TGM6: variants seen among roughly 807,000 people sequenced by gnomAD.
TGM6 encodes the protein transglutaminase 6.
A neutral mutation model predicts 77.5 loss-of-function variants in TGM6; 74 were observed. The observed-to-expected ratio is 0.96, with a 90% confidence interval of 0.79 to 1.16. The LOEUF (loss-of-function observed/expected upper bound fraction) is 1.16. Ranked by LOEUF, TGM6 falls within the 50% of genes most tolerant of loss-of-function variation. TGM6 has a pLI of 0.00. For missense variants in TGM6, 968 were observed against 940.2 expected (o/e 1.03, Z -0.39); for synonymous variants, 383 against 378.9 (o/e 1.01, Z -0.12).
Position 2,398,090 on chromosome 20 carries a change from C to T in TGM6, c.672+44C>T, listed in dbSNP as rs766658887. 39 of 1,613,912 alleles carry T rather than the reference C, an allele frequency of 2.4e-5. No individual in the cohort carries two copies. The South Asian group carries it at 3.4e-4, about 14-fold the overall frequency. On this transcript the variant is annotated intron_variant, in intron 5 of 12. Coordinates refer to ENST00000202625, the MANE Select transcript of TGM6 (RefSeq NM_198994.3). ...CCTGCACATGTACTTCCTCAAGGAT[C>T]CCCCAGCCAACCCCGGGGCCACAAC...
intron 5 of TGM6, 145 bp from the exon 6 acceptor site, chr20:2,399,416 A>T (rs2084689737): frequency 2.0e-6 from 2 of 1,020,192 alleles, no homozygotes; most frequent in African/African-American, 3.1e-5. Context: ...TTAAGGCAAC[A>T]GATGCCCCTA....
intron 1 of TGM6, among the ~76,000 whole-genome samples, chr20:2,390,615 C>T (rs1462795741): frequency 1.3e-5 from 2 of 152,106 alleles, no homozygotes; most frequent in South Asian, 4.2e-4. Flanking sequence ...TGCCCTTATG[C>T]AGTTGATATT....
rs148415882 is a variant in TGM6 at position 2,397,849 on chromosome 20, G to A, written c.544-69G>A. On this transcript the variant is annotated intron_variant, in intron 4 of 12. Transcript: ENST00000202625. ...ACAGATGGGGTGACTGACCGGGTGA[G>A]GGCTGTGGGAGGGCCTGGAATATGG... 264 of 1,613,438 alleles carry A rather than the reference G, an allele frequency of 1.6e-4. No individual in the cohort carries two copies. In the African/African-American group the frequency reaches 2.3e-3, roughly 14 times the overall value.
chr20:2,399,645 G>A lies in TGM6; in HGVS notation c.757G>A (p.Gly253Ser), dbSNP rs566515306. Residue 253 changes from glycine to serine, a missense_variant, in exon 6 of 13, where the codon GGC becomes AGC. Physicochemically the swap from Gly to Ser is moderately conservative, Grantham distance 56. Transcript: ENST00000202625. The part of the protein sequence containing the change: ...GGGTSPLHWR[G>S]SVAILQKWLK... ...CGGCACCAGCCCGCTGCACTGGCGCGGCAGCGTGGCCATTCTGCAGAAGTG... is the reference window on the plus strand; with the variant it reads ...CGGCACCAGCCCGCTGCACTGGCGCAGCAGCGTGGCCATTCTGCAGAAGTG... 41 of 1,613,706 alleles carry A rather than the reference G, an allele frequency of 2.5e-5. No homozygotes were observed. Among genetic ancestry groups the A allele is most frequent in the East Asian group, 8.9e-5 (4 of 44,864 alleles).
At chr20:2,391,268 TTTA>T (rs992620481) in intron 1 of TGM6, among the ~76,000 whole-genome samples, 2 of 151,844 alleles carry the variant, frequency 1.3e-5, no homozygotes, top group Admixed American at 6.6e-5. Context: ...ATACAAAGAT[TTTA>T]TTATTGTTGT....
chr20:2,381,675 G>C (rs2084555828), intron 1 of TGM6, among the ~76,000 whole-genome samples: 1 of 152,222 alleles, frequency 6.6e-6, no homozygotes, highest in Non-Finnish European at 1.5e-5. Context: ...CCAGCATTTT[G>C]GGAGGCTGAA....
At chr20:2,419,041 C>G (rs2084838531) in intron 10 of TGM6, among the ~76,000 whole-genome samples, 1 of 152,238 alleles carries the variant, frequency 6.6e-6, no homozygotes, top group Non-Finnish European at 1.5e-5. Flanking sequence ...GATCCTTGAA[C>G]ACATAGCACT....
At chr20:2,427,085 T>C (rs915131421) in intron 10 of TGM6, among the ~76,000 whole-genome samples, 2 of 152,142 alleles carry the variant, frequency 1.3e-5, no homozygotes, top group Admixed American at 6.5e-5. Context: ...AATTTTTTTT[T>C]CTTAAATTCT....
At chr20:2,405,918 G>A (rs1261421743) in intron 9 of TGM6, among the ~76,000 whole-genome samples, 1 of 152,110 alleles carries the variant, frequency 6.6e-6, no homozygotes, top group East Asian at 1.9e-4. Context: ...GTAGTACATG[G>A]CTTAGTAAGT....
chr20:2,391,398 T>C (rs1445108778), intron 1 of TGM6, among the ~76,000 whole-genome samples: 1 of 151,076 alleles, frequency 6.6e-6, no homozygotes, highest in Non-Finnish European at 1.5e-5. Flanking sequence ...GGAGGGGCCT[T>C]AGGAAAAGCA....
At chr20:2,432,152 G>A (rs1294393766) in intron 12 of TGM6, among the ~76,000 whole-genome samples, 1 of 152,124 alleles carries the variant, frequency 6.6e-6, no homozygotes, top group African/African-American at 2.4e-5. Context: ...AGGTTCAAGC[G>A]ATTCTCCTGT....
rs763791368 is a variant in TGM6 at position 2,403,819 on chromosome 20, G to A, written c.1332G>A (p.Pro444=). ...RVDITDLYKY[P]EGSRKERQVY... ...ACATCACTGACCTCTACAAGTATCC[G>A]GAAGGTAAGGGCCACATGGCGGCCT... The change falls in exon 9 of 13, where the codon CCG becomes CCA. Residue 444 remains proline, a synonymous_variant. Transcript: ENST00000202625. 3.8e-5 allele frequency: 61 copies of A among 1,613,962 alleles called. No individual in the cohort carries two copies. The highest frequency in any genetic ancestry group is 5.5e-5 in the South Asian group (5 of 91,084).
At chr20:2,415,368 G>C (rs2084808929) in intron 9 of TGM6, among the ~76,000 whole-genome samples, 1 of 152,016 alleles carries the variant, frequency 6.6e-6, no homozygotes, top group Non-Finnish European at 1.5e-5. Flanking sequence ...ATTGGACTTT[G>C]GAATCATCAG....
At chr20:2,417,126 G>A (rs1472160575) in intron 9 of TGM6, 106 bp from the exon 10 acceptor site, 27 of 950,592 alleles carry the variant, frequency 2.8e-5, no homozygotes, top group Middle Eastern at 2.1e-4. Context: ...GGCATGTGGC[G>A]CCGGTGTGCA....
chr20:2,414,821 T>C (rs2122402192), intron 9 of TGM6, among the ~76,000 whole-genome samples: 1 of 151,878 alleles, frequency 6.6e-6, no homozygotes, highest in South Asian at 2.1e-4. Flanking sequence ...GTTGTATGAT[T>C]CCCTTTATAT....
At chr20:2,422,513 T>G (rs1225243816) in intron 10 of TGM6, among the ~76,000 whole-genome samples, 4 of 152,234 alleles carry the variant, frequency 2.6e-5, no homozygotes, top group Non-Finnish European at 4.4e-5. Context: ...ACAAATGTTT[T>G]GGTTTCCCAG....
chr20:2,405,813 G>A (rs2084746694), intron 9 of TGM6, among the ~76,000 whole-genome samples: 1 of 152,162 alleles, frequency 6.6e-6, no homozygotes, highest in South Asian at 2.1e-4. Flanking sequence ...CTCCAAGGCT[G>A]GGAACTGAAA....
intron 10 of TGM6, among the ~76,000 whole-genome samples, chr20:2,420,901 C>G (rs571931892): frequency 6.6e-6 from 1 of 152,170 alleles, no homozygotes; most frequent in East Asian, 1.9e-4. Context: ...TGAAGGACTT[C>G]TTGGTTGATT....
At chr20:2,397,700 G>A (rs923176544) in intron 4 of TGM6, among the ~76,000 whole-genome samples, 2 of 152,180 alleles carry the variant, frequency 1.3e-5, no homozygotes, top group South Asian at 4.1e-4. Context: ...TTGTTGAGCA[G>A]GGGAGAGACA....
Sources: gnomAD v4.1 joint callset for allele counts (sites outside exome capture counted in the v4.1 genomes callset) on GRCh38, gnomAD v4.1.1 for gene constraint, MANE v1.5 for transcripts, NCBI Gene and HGNC (gene_info 2026-07-23, HGNC 2026-07-21) for gene names.